Variants in ABCG1 observed in about 807,000 individuals in gnomAD.
ABCG1 encodes the protein ATP binding cassette subfamily G member 1.
Under a neutral mutation model 69.2 loss-of-function variants are expected in ABCG1, and 29 were observed. The ratio of observed to expected loss-of-function variants is 0.42; its 90% CI spans 0.31 to 0.57. The LOEUF is 0.57. ABCG1 is among the 20% of genes least tolerant of loss of function. The probability of loss-of-function intolerance (pLI) is 0.15; values close to 1 mark genes in which losing one functional copy is unlikely to be tolerated. For missense variants in ABCG1, 718 were observed against 898.1 expected (o/e 0.80, Z 2.56); for synonymous variants, 370 against 374.8 (o/e 0.99, Z 0.15).
intron 2 of ABCG1, chr21:42,206,854 C>G (rs2067546821): frequency 6.9e-6 from 1 of 143,910 alleles, no homozygotes; most frequent in Non-Finnish European, 1.5e-5. Flanking sequence ...CTGAGAATAT[C>G]TTGATTTCTG....
rs909412428 is a variant in ABCG1 at position 42,289,948 on chromosome 21, C to T, written c.1225-102C>T. 4 of 1,355,216 alleles carry T rather than the reference C, an allele frequency of 3.0e-6. No individual in the cohort carries two copies. The African/African-American group carries it at 5.8e-5, about 20-fold the overall frequency. 83.9% of individuals were successfully genotyped at this position (1,355,216 alleles called of 1,614,324 possible). The stretch of plus-strand genomic sequence containing the variant: ...GGATAAAGTCTAAGACGTGCTGTCA[C>T]AGAGTTCAGGGTCCCATGCTTCCAA... On this transcript the variant is annotated intron_variant, in intron 10 of 14. Transcript: ENST00000398449.
Position 42,283,720 on chromosome 21 carries a change from A to C in ABCG1, c.735-840A>C, listed in dbSNP as rs866917486. On this transcript the variant is annotated intron_variant, in intron 6 of 14. Coordinates refer to ENST00000398449, the MANE Select transcript of ABCG1 (RefSeq NM_016818.3). ...CCTGGACAGTTGTGAAGTACCACCCACCACCCAGATGAGTGGGGACCCCCC... is the reference window on the plus strand; with the variant it reads ...CCTGGACAGTTGTGAAGTACCACCCCCCACCCAGATGAGTGGGGACCCCCC... 7.9e-3 allele frequency among the ~76,000 whole-genome samples: 141 copies of C among 17,900 alleles called. 6 individuals are homozygous for C. The highest frequency in any genetic ancestry group is 0.1 in the Middle Eastern group (2 of 20). The allele number at this position is 17,900 out of a possible 152,430, so 11.7% of individuals were successfully genotyped here.
chr21:42,288,321 G>T lies in ABCG1; in HGVS notation c.1224+9G>T. The T allele has an allele frequency of 1.9e-6, 3 of 1,598,072 alleles. No individual in the cohort carries two copies. The highest frequency in any genetic ancestry group is 2.6e-6 in the Non-Finnish European group (3 of 1,165,960). On this transcript the variant is annotated intron_variant, in intron 10 of 14. Coordinates refer to ENST00000398449, the MANE Select transcript of ABCG1 (RefSeq NM_016818.3). This position sits in a 1 kb window ranked among gnomAD's most constrained non-coding sequence, Gnocchi z 4.8. The stretch of plus-strand genomic sequence containing the variant: ...GCATCATGAGGGACTCGGTAAGGCT[G>T]CCCGCATCTTCTCCTGTAGCTGGGG...
chr21:42,287,846 C>T lies in ABCG1; in HGVS notation c.974-43C>T. 6.6e-7 allele frequency: 1 copy of T among 1,514,424 alleles called. No homozygotes were observed. Among genetic ancestry groups the T allele is most frequent in the Non-Finnish European group, 8.9e-7 (1 of 1,129,326 alleles). 93.8% of individuals were successfully genotyped at this position (1,514,424 alleles called of 1,614,324 possible). The stretch of plus-strand genomic sequence containing the variant: ...TTTCGCATTTGGGTGGTTGGGGTGT[C>T]CTTCCTGGAGCCCGGGCTGACCCCC... On this transcript the variant is annotated intron_variant, in intron 8 of 14. Transcript: ENST00000398449. This position sits in a 1 kb window ranked among gnomAD's most constrained non-coding sequence, Gnocchi z 6.2.
intron 5 of ABCG1, 55 bp from the exon 6 acceptor site, chr21:42,282,219 G>A: frequency 6.3e-7 from 1 of 1,587,034 alleles, no homozygotes; most frequent in East Asian, 2.2e-5. Flanking sequence ...TGGGCCATGG[G>A]AGGTGGTGAG....
intron 2 of ABCG1, among the ~76,000 whole-genome samples, chr21:42,249,209 G>T (rs991938336): frequency 1.3e-5 from 2 of 152,198 alleles, no homozygotes; most frequent in East Asian, 3.9e-4. Flanking sequence ...GAAGGCAGGG[G>T]ACTGGGATGA....
intron 2 of ABCG1, among the ~76,000 whole-genome samples, chr21:42,226,642 C>G (rs922162710): frequency 6.6e-6 from 1 of 152,076 alleles, no homozygotes; most frequent in Non-Finnish European, 1.5e-5. Flanking sequence ...TTTTTTCAAG[C>G]CTGATCTGTT....
intron 13 of ABCG1, among the ~76,000 whole-genome samples, chr21:42,292,469 A>C (rs1344045964): frequency 6.6e-6 from 1 of 152,002 alleles, no homozygotes; most frequent in Non-Finnish European, 1.5e-5. Context: ...GCACCTGCTC[A>C]GCCACCCCCA....
chr21:42,255,201 G>A (rs574205134), intron 2 of ABCG1, among the ~76,000 whole-genome samples: 4 of 152,364 alleles, frequency 2.6e-5, no homozygotes, highest in South Asian at 4.1e-4. Flanking sequence ...GCAGGGCCCC[G>A]TTGCTAGTGA....
chr21:42,259,702 C>T (rs1375506463), intron 2 of ABCG1, among the ~76,000 whole-genome samples: 1 of 152,262 alleles, frequency 6.6e-6, no homozygotes, highest in East Asian at 1.9e-4. Flanking sequence ...GTAATCCACA[C>T]AGTTACTCGG....
intron 7 of ABCG1, 33 bp from the exon 8 acceptor site, chr21:42,285,847 G>A (rs200857182): frequency 2.1e-5 from 31 of 1,496,272 alleles, no homozygotes; most frequent in Admixed American, 3.3e-5. Flanking sequence ...GGAAGGCAGG[G>A]CTTGATCCCT....
At chr21:42,293,053 A>G (rs1303271541) in intron 13 of ABCG1, among the ~76,000 whole-genome samples, 8 of 93,748 alleles carry the variant, frequency 8.5e-5, no homozygotes, top group African/African-American at 2.7e-4. Flanking sequence ...CACACACACT[A>G]CACACATACC....
Position 42,277,008 on chromosome 21 carries a change from G to A in ABCG1, c.588+63G>A, listed in dbSNP as rs56191607. On this transcript the variant is annotated intron_variant, in intron 5 of 14. Transcript: ENST00000398449. Reference sequence around the variant, plus strand: ...AGTGCATGACGTGCATGTGGAAGGTGTGCCTGCCGGGGCATTTTGGCATTG... The same window carrying A: ...AGTGCATGACGTGCATGTGGAAGGTATGCCTGCCGGGGCATTTTGGCATTG... The A allele has an allele frequency of 9.5e-3, 14,749 of 1,558,624 alleles. 103 individuals carry two copies. Among genetic ancestry groups the A allele is most frequent in the Middle Eastern group, 0.018 (107 of 5,956 alleles).
intron 2 of ABCG1, among the ~76,000 whole-genome samples, chr21:42,242,161 G>A (rs1221067910): frequency 6.6e-6 from 1 of 152,120 alleles, no homozygotes; most frequent in Non-Finnish European, 1.5e-5. Flanking sequence ...TCTTACTACT[G>A]TATTTTGATT....
In ABCG1 at chr21:42,219,373, A is replaced by G. The variant is rs1601342727; in HGVS notation, c.42+69A>G. The G allele has an allele frequency of 6.4e-7, 1 of 1,553,908 alleles. No homozygotes were observed. Among genetic ancestry groups the G allele is most frequent in the South Asian group, 1.2e-5 (1 of 85,838 alleles). On this transcript the variant is annotated intron_variant, in intron 1 of 14. Coordinates refer to ENST00000398449, the MANE Select transcript of ABCG1 (RefSeq NM_016818.3). This position sits in a 1 kb window ranked among gnomAD's most constrained non-coding sequence, Gnocchi z 5.3. Reference sequence around the variant, plus strand: ...CAAGGAGAGCAGGAAACACACAAAGACTCGCAAGCTCGACCTGACACCCCT... The same window carrying G: ...CAAGGAGAGCAGGAAACACACAAAGGCTCGCAAGCTCGACCTGACACCCCT...
intron 14 of ABCG1, chr21:42,295,385 A>AAAAAT: frequency 6.8e-6 from 1 of 147,264 alleles, no homozygotes; most frequent in Non-Finnish European, 1.5e-5. Flanking sequence ...AAAGGAAAGA[A>AAAAAT]ATCTGGTGGG....
chr21:42,231,633 A>C (rs1021482315), intron 2 of ABCG1, among the ~76,000 whole-genome samples: 3 of 152,238 alleles, frequency 2.0e-5, no homozygotes, highest in East Asian at 3.9e-4. Context: ...TTAAGGGAAG[A>C]CTGGATTCCA....
At chr21:42,217,858 A>T (rs972590244), upstream of ABCG1, among the ~76,000 whole-genome samples, 3 of 151,212 alleles carry the variant, frequency 2.0e-5, no homozygotes, top group African/African-American at 7.3e-5. Context: ...CACCTAGCTA[A>T]TTTTTTGTAT....
intron 2 of ABCG1, among the ~76,000 whole-genome samples, chr21:42,210,430 A>G (rs8130516): frequency 0.025 from 3,866 of 151,978 alleles, 159 homozygotes; most frequent in African/African-American, 0.087. Context: ...GCCTCCAGTA[A>G]TTTTCCGGTA....
Sources: allele counts gnomAD v4.1 joint callset (sites outside exome capture counted in the v4.1 genomes callset), GRCh38; gene constraint gnomAD v4.1.1; non-coding constraint Gnocchi (gnomAD v3.1); transcripts MANE v1.5; gene names NCBI Gene and HGNC (gene_info 2026-07-23, HGNC 2026-07-21).